RASGRF1: variants seen among roughly 807,000 people sequenced by gnomAD.
RASGRF1 encodes the protein ras-specific guanine nucleotide-releasing factor 1.
Under a neutral mutation model 138.7 loss-of-function variants are expected in RASGRF1, and 40 were observed. The ratio of observed to expected loss-of-function variants is 0.29; its 90% CI spans 0.22 to 0.38. The LOEUF (loss-of-function observed/expected upper bound fraction) is 0.38. Ranked by LOEUF, RASGRF1 falls within the 10% of genes least tolerant of loss-of-function variation. The pLI is 1.00. For synonymous variants in RASGRF1, 614 were observed against 663.2 expected, an observed-to-expected ratio of 0.93 and a Z score of 1.14; for missense variants, 1,108 against 1,650.4, an observed-to-expected ratio of 0.67 and a Z score of 5.69.
chr15:78,960,953 CAT>C lies in RASGRF1; in HGVS notation c.*1189_*1190del, dbSNP rs749917128. On this transcript the variant is annotated 3_prime_UTR_variant, in exon 27 of 27. Coordinates refer to ENST00000558480, the MANE Select transcript of RASGRF1 (RefSeq NM_001145648.3). ...TTATTAGCAAGAGGTAATCAGGAAA[CAT>C]ATATTTTTACAAAAATGGAAATTTT... 3 of 152,200 alleles carry C rather than the reference CAT, an allele frequency of 2.0e-5. No individual in the cohort carries two copies. The highest frequency in any genetic ancestry group is 2.9e-5 in the Non-Finnish European group (2 of 68,026). 9.4% of individuals were successfully genotyped at this position (152,200 alleles called of 1,614,324 possible).
At position 79,032,434 on chromosome 15, in the gene RASGRF1, A is replaced by G; in HGVS notation, c.959-118T>C. The G allele has an allele frequency of 1.1e-6, 1 of 917,284 alleles. No individual in the cohort carries two copies. Among genetic ancestry groups the G allele is most frequent in the Non-Finnish European group, 1.7e-6 (1 of 602,250 alleles). The allele number at this position is 917,284 out of a possible 1,614,324, so 56.8% of individuals were successfully genotyped here. ...GCCAGGGGCCAGGTTCAAGTTCCCC[A>G]CCCCAGAGACATCTCTGCTCTTGGG... On this transcript the variant is annotated intron_variant, in intron 6 of 26. Coordinates refer to ENST00000558480, the MANE Select transcript of RASGRF1 (RefSeq NM_001145648.3). The surrounding 1 kb of genome is among the most constrained non-coding windows in gnomAD (Gnocchi z 4.5).
At chr15:79,054,672 A>G (rs1195738843) in intron 3 of RASGRF1, among the ~76,000 whole-genome samples, 1 of 152,224 alleles carries the variant, frequency 6.6e-6, no homozygotes, top group Non-Finnish European at 1.5e-5. Context: ...TGGGGAGCAG[A>G]GTCTTCAGCA....
chr15:79,004,548 G>A (rs903900269), intron 14 of RASGRF1, among the ~76,000 whole-genome samples: 2 of 152,152 alleles, frequency 1.3e-5, no homozygotes, highest in Non-Finnish European at 2.9e-5. Flanking sequence ...CTCATCCTTA[G>A]AGAGGTCCTC....
At position 79,046,480 on chromosome 15, in the gene RASGRF1, C is replaced by T. The variant is rs1418858334; in HGVS notation, c.878+266G>A. Among the ~76,000 whole-genome samples the T allele has an allele frequency of 2.0e-5, 3 of 152,234 alleles. No individual in the cohort carries two copies. Among genetic ancestry groups the T allele is most frequent in the East Asian group, 3.8e-4 (2 of 5,204 alleles). ...CAATCAACAATGTTTCCAAACATTC[C>T]TAAGTGTTCCCCACGGAGCAAAACT... On this transcript the variant is annotated intron_variant, in intron 5 of 26. Transcript: ENST00000558480. The surrounding 1 kb of genome is among the most constrained non-coding windows in gnomAD (Gnocchi z 5.3).
chr15:79,059,642 C>T (rs533359369), intron 2 of RASGRF1, among the ~76,000 whole-genome samples: 1 of 152,262 alleles, frequency 6.6e-6, no homozygotes, highest in African/African-American at 2.4e-5. Context: ...TTTGTGCCCC[C>T]TTTAGTGGTT....
intron 2 of RASGRF1, 85 bp downstream of exon 2, chr15:79,064,335 T>C: frequency 7.7e-7 from 1 of 1,298,758 alleles, no homozygotes; most frequent in Non-Finnish European, 1.1e-6. Context: ...TCATGGGGCT[T>C]GGCTTTGTTC....
chr15:78,968,053 T>C (rs1356922054), intron 26 of RASGRF1, among the ~76,000 whole-genome samples: 1 of 151,696 alleles, frequency 6.6e-6, no homozygotes, highest in African/African-American at 2.4e-5. Flanking sequence ...TTAGATGTCA[T>C]ATGATTTAGT....
At chr15:78,995,526 TG>T (rs2056373262) in intron 20 of RASGRF1, among the ~76,000 whole-genome samples, 2 of 152,128 alleles carry the variant, frequency 1.3e-5, no homozygotes, top group Non-Finnish European at 2.9e-5. Flanking sequence ...TGACCTCAGG[TG>T]ATCTGCCCAC....
rs139500878 is a variant in RASGRF1, at chr15:79,007,672, C to T, written c.1827-1238G>A. On this transcript the variant is annotated intron_variant, in intron 13 of 26. Coordinates refer to ENST00000558480, the MANE Select transcript of RASGRF1 (RefSeq NM_001145648.3). ...GCTCAAGTGATCCTCCTGCCTTACC[C>T]TCCCCAGTAGCTGGGATTACAGGTA... 2.6e-3 allele frequency among the ~76,000 whole-genome samples: 389 copies of T among 151,550 alleles called. 1 individual carries two copies. Among genetic ancestry groups the T allele is most frequent in the African/African-American group, 8.8e-3 (362 of 41,296 alleles).
chr15:78,972,156 C>T (rs185428542), intron 25 of RASGRF1, among the ~76,000 whole-genome samples: 56 of 152,148 alleles, frequency 3.7e-4, no homozygotes, highest in African/African-American at 1.1e-3. Context: ...AGTGCAGTGG[C>T]GTGATCTCGG....
At chr15:78,970,349 C>A (rs529490002) in intron 26 of RASGRF1, among the ~76,000 whole-genome samples, 1 of 152,014 alleles carries the variant, frequency 6.6e-6, no homozygotes, top group Non-Finnish European at 1.5e-5. Flanking sequence ...GGTGAAACTC[C>A]GTCTCTACTA....
rs2057786752 is a variant in RASGRF1, at chr15:79,073,322, T to G, written c.277-8796A>C. ...TCTTTCTAAGGGCAGCTGGTTCCTGTGGGGAAGCTGGGCTGGGGCTCTTCC... is the reference window on the plus strand; with the variant it reads ...TCTTTCTAAGGGCAGCTGGTTCCTGGGGGGAAGCTGGGCTGGGGCTCTTCC... On this transcript the variant is annotated intron_variant, in intron 1 of 26. Coordinates refer to ENST00000558480, the MANE Select transcript of RASGRF1 (RefSeq NM_001145648.3). The surrounding 1 kb of genome is among the most constrained non-coding windows in gnomAD (Gnocchi z 4.2). Among the ~76,000 whole-genome samples the G allele has an allele frequency of 6.6e-6, 1 of 152,106 alleles. No individual in the cohort carries two copies. Among genetic ancestry groups the G allele is most frequent in the African/African-American group, 2.4e-5 (1 of 41,412 alleles).
At chr15:78,967,373 C>T (rs918421554) in intron 26 of RASGRF1, among the ~76,000 whole-genome samples, 2 of 152,112 alleles carry the variant, frequency 1.3e-5, no homozygotes, top group African/African-American at 4.8e-5. Context: ...TGGCAAAACC[C>T]TGTTTCTACA....
In RASGRF1 at chr15:79,030,939, CA is replaced by C. The variant is rs544585591; in HGVS notation, c.1262+460del. ...CAGGTGAGGGGCCTTGACCAGAGGA[CA>C]GGGGCACTAGATTGGACAAGCCATG... is the stretch of plus-strand genomic sequence containing the variant. On this transcript the variant is annotated intron_variant, in intron 8 of 26. Transcript: ENST00000558480. Among the ~76,000 whole-genome samples, 5 of 152,342 alleles carry C rather than the reference CA, an allele frequency of 3.3e-5. No homozygotes were observed. The South Asian group carries it at 1.0e-3, about 32-fold the overall frequency.
chr15:78,998,187 G>A lies in RASGRF1; in HGVS notation c.2875C>T (p.Leu959Phe). The change falls in exon 19 of 27, where the codon CTC becomes TTC. Residue 959 changes from leucine (L) to phenylalanine (F), a missense_variant. Physicochemically the swap from Leu to Phe is conservative, Grantham distance 22. Transcript: ENST00000558480. ...HSQDFETNDE[L>F]KCKVIGFLEE... ...AGGAAGCCGATCACCTTGCATTTGAGCTCATCGTTGGTCTCAAAGTCCTGC... is the reference window on the plus strand; with the variant it reads ...AGGAAGCCGATCACCTTGCATTTGAACTCATCGTTGGTCTCAAAGTCCTGC... 6.2e-7 allele frequency: 1 copy of A among 1,614,196 alleles called. No individual in the cohort carries two copies. The highest frequency in any genetic ancestry group is 8.5e-7 in the Non-Finnish European group (1 of 1,180,022).
At chr15:78,992,318 G>T (rs2056287466) in intron 20 of RASGRF1, among the ~76,000 whole-genome samples, 1 of 152,252 alleles carries the variant, frequency 6.6e-6, no homozygotes, top group South Asian at 2.1e-4. Flanking sequence ...TCCTGCCTTA[G>T]TCCTGGGCCT....
At chr15:78,976,559 A>AACACACACAC (rs58602180) in intron 24 of RASGRF1, among the ~76,000 whole-genome samples, 3,104 of 148,678 alleles carry the variant, frequency 0.021, 64 homozygotes, top group African/African-American at 0.045. Context: ...CACTCAATCA[A>AACACACACAC]ACACACACAC....
Position 79,090,351 on chromosome 15 carries a change from G to T in RASGRF1, c.148C>A (p.Leu50Met), listed in dbSNP as rs773230944. The T allele has an allele frequency of 1.9e-6, 3 of 1,613,848 alleles. No individual in the cohort carries two copies. Among genetic ancestry groups the T allele is most frequent in the Non-Finnish European group, 2.5e-6 (3 of 1,179,998 alleles). The change falls in exon 1 of 27, where the codon CTG becomes ATG. Residue 50 changes from leucine (L) to methionine (M), a missense_variant. Coordinates refer to ENST00000558480, the MANE Select transcript of RASGRF1 (RefSeq NM_001145648.3). ...QTKWFALLQN[L>M]LFYFESDSSS... ...GAGTCGCTCTCGAAGTAGAAGAGCA[G>T]GTTCTGCAGCAGCGCGAACCACTTG... is the stretch of plus-strand genomic sequence containing the variant.
chr15:79,012,469 C>G, intron 13 of RASGRF1: 1 of 1,493,526 alleles, frequency 6.7e-7, no homozygotes, highest in Non-Finnish European at 9.3e-7. Flanking sequence ...CGATGAATTT[C>G]CCGAGGACGG....
Sources: allele counts gnomAD v4.1 joint callset (sites outside exome capture counted in the v4.1 genomes callset), GRCh38; gene constraint gnomAD v4.1.1; non-coding constraint Gnocchi (gnomAD v3.1); transcripts MANE v1.5; gene names NCBI Gene and HGNC (gene_info 2026-07-23, HGNC 2026-07-21).